The following ARHGEF15 variants were observed in gnomAD, a reference collection of about 807,000 sequenced individuals.
ARHGEF15 encodes the protein Rho guanine nucleotide exchange factor (GEF) 15.
Under a neutral mutation model 79.7 loss-of-function variants are expected in ARHGEF15, and 58 were observed. The ratio of observed to expected loss-of-function variants is 0.73; its 90% confidence interval spans 0.59 to 0.91. ARHGEF15 has a LOEUF of 0.91. Ranked by LOEUF, ARHGEF15 falls within the 40% of genes least tolerant of loss-of-function variation. The pLI is 0.00. For missense variants in ARHGEF15, 1,012 were observed against 1,108.1 expected (o/e 0.91, Z 1.23); for synonymous variants, 442 against 456.0 (o/e 0.97, Z 0.39).
chr17:8,318,308 G>A lies in ARHGEF15; in HGVS notation c.1705-79G>A. 7.3e-7 allele frequency: 1 copy of A among 1,373,070 alleles called. No individual in the cohort carries two copies. Among genetic ancestry groups the A allele is most frequent in the Non-Finnish European group, 1.0e-6 (1 of 991,584 alleles). 85.1% of individuals were successfully genotyped at this position (1,373,070 alleles called of 1,614,324 possible). A position where few individuals can be genotyped will look rare whatever the true frequency, so the allele number is the denominator to read the frequency against. On this transcript the variant is annotated intron_variant, in intron 9 of 15. Transcript: ENST00000361926. The surrounding 1 kb of genome is among the most constrained non-coding windows in gnomAD (Gnocchi z 5.0). ...TTGTTGAAACTGGCTGAAACAGACA[G>A]GGTCCTCTGAGCTGTGGCCCCTCTG...
intron 9 of ARHGEF15, 85 bp downstream of exon 9, chr17:8,316,233 C>T: frequency 2.0e-6 from 3 of 1,511,106 alleles, no homozygotes; most frequent in South Asian, 1.2e-5. Context: ...CCAGCTATCA[C>T]CATGCACTAC....
rs570697175 is a variant in ARHGEF15, at chr17:8,316,235, A to G, written c.1704+87A>G. 463 of 1,509,736 alleles carry G rather than the reference A, an allele frequency of 3.1e-4. 4 individuals are homozygous for G. In the South Asian group the frequency reaches 5.4e-3, roughly 17 times the overall value. 93.5% of individuals were successfully genotyped at this position (1,509,736 alleles called of 1,614,324 possible). On this transcript the variant is annotated intron_variant, in intron 9 of 15. Transcript: ENST00000361926. The stretch of plus-strand genomic sequence containing the variant: ...GCTTCTTGGCCCTCCAGCTATCACC[A>G]TGCACTACTCCACCTTAAACATAAA...
chr17:8,314,310 T>TCC (rs933676842), intron 4 of ARHGEF15, among the ~76,000 whole-genome samples: 53 of 152,318 alleles, frequency 3.5e-4, no homozygotes, highest in African/African-American at 1.3e-3. Flanking sequence ...GTTATCTGTG[T>TCC]CCATTCATTT....
At chr17:8,312,818 AC>A (rs1014918441) in intron 2 of ARHGEF15, 103 bp from the exon 3 acceptor site, 32 of 1,555,152 alleles carry the variant, frequency 2.1e-5, no homozygotes, top group Non-Finnish European at 2.6e-5. Flanking sequence ...AGATGCCTGG[AC>A]CTTGATATTG....
At chr17:8,314,742 C>CAAAAA (rs77491661) in intron 4 of ARHGEF15, 164 bp from the exon 5 acceptor site, 25 of 300,082 alleles carry the variant, frequency 8.3e-5, no homozygotes, top group East Asian at 1.6e-4. Context: ...CTTTCCCCTT[C>CAAAAA]AAAAAAAAAA....
In ARHGEF15 at chr17:8,313,430, G is replaced by A. The variant is rs879117782; in HGVS notation, c.935-71G>A. 3 of 1,567,300 alleles carry A rather than the reference G, an allele frequency of 1.9e-6. No individual in the cohort carries two copies. In the Admixed American group the frequency reaches 5.4e-5, roughly 28 times the overall value. ...TTTTTATAGTAACCATCCCTGCTGG[G>A]GCTGGAGTCGGGAGTCCTGGCTGGG... On this transcript the variant is annotated intron_variant, in intron 3 of 15. Transcript: ENST00000361926.
chr17:8,321,315 A>T lies in ARHGEF15; in HGVS notation c.*322A>T, dbSNP rs144240841. The T allele has an allele frequency of 1.2e-4, 27 of 229,778 alleles. No homozygotes were observed. Among genetic ancestry groups the T allele is most frequent in the African/African-American group, 5.6e-4 (25 of 44,498 alleles). The allele number at this position is 229,778 out of a possible 1,614,324, so 14.2% of individuals were successfully genotyped here. On this transcript the variant is annotated 3_prime_UTR_variant, in exon 16 of 16. Coordinates refer to ENST00000361926, the MANE Select transcript of ARHGEF15 (RefSeq NM_173728.4). The stretch of plus-strand genomic sequence containing the variant: ...GGGCCAAGGAAGACAAATCTAGGTC[A>T]TGGCAGTTGAAAAAGGGCCTCATTG...
intron 9 of ARHGEF15, among the ~76,000 whole-genome samples, chr17:8,317,107 G>A (rs1392022386): frequency 6.6e-6 from 1 of 151,988 alleles, no homozygotes; most frequent in African/African-American, 2.4e-5. Flanking sequence ...CTATAGCAAA[G>A]CAGAGAGTCC....
chr17:8,316,807 G>A (rs1003180551), intron 9 of ARHGEF15, among the ~76,000 whole-genome samples: 1 of 152,068 alleles, frequency 6.6e-6, no homozygotes, highest in Non-Finnish European at 1.5e-5. Context: ...CTCCTTCTTC[G>A]AGACGGAGTC....
In ARHGEF15 at chr17:8,314,909, A is replaced by G; in HGVS notation, c.993A>G (p.Glu331=). 2.5e-6 allele frequency: 4 copies of G among 1,613,900 alleles called. No homozygotes were observed. The highest frequency in any genetic ancestry group is 3.4e-6 in the Non-Finnish European group (4 of 1,179,934). The change falls in exon 5 of 16, where the codon GAA becomes GAG. Residue 331 remains glutamate, a synonymous_variant. Coordinates refer to ENST00000361926, the MANE Select transcript of ARHGEF15 (RefSeq NM_173728.4). ...CCTTCCCTTTCTTTCTCCACAGGGAAGAGGAGGGGCTAGAGGTGCTGAAGG... is the reference window on the plus strand; with the variant it reads ...CCTTCCCTTTCTTTCTCCACAGGGAGGAGGAGGGGCTAGAGGTGCTGAAGG... The part of the protein sequence containing the change: ...NTPPATVEGR[E]EEGLEVLKEQ...
In ARHGEF15 at chr17:8,319,346, A is replaced by G; in HGVS notation, c.2221A>G (p.Thr741Ala). ...GCAGCGCTGGCTGGGAGCCTTCCCAACCCCAGGCCCCCTTCCCTGCTCCCC... is the reference window on the plus strand; with the variant it reads ...GCAGCGCTGGCTGGGAGCCTTCCCAGCCCCAGGCCCCCTTCCCTGCTCCCC... Reference protein sequence around the residue: ...DMQRWLGAFPTPGPLPCSPDT... With the variant: ...DMQRWLGAFPAPGPLPCSPDT... The change falls in exon 14 of 16, where the codon ACC (threonine) becomes GCC (alanine). Residue 741 changes from threonine (T) to alanine (A), a missense_variant. By Grantham distance (58) the Thr-to-Ala change is moderately conservative. Around this residue, in one of 3 missense-constraint regions of ARHGEF15, gnomAD observed 132 missense variants for 124.2 expected, o/e 1.06. Transcript: ENST00000361926. 1 of 1,613,852 alleles carries G rather than the reference A, an allele frequency of 6.2e-7. No individual in the cohort carries two copies. The highest frequency in any genetic ancestry group is 1.7e-5 in the Admixed American group (1 of 59,972).
At position 8,313,179 on chromosome 17, in the gene ARHGEF15, A is replaced by G; in HGVS notation, c.859A>G (p.Arg287Gly). 1 of 1,611,072 alleles carries G rather than the reference A, an allele frequency of 6.2e-7. No homozygotes were observed. Among genetic ancestry groups the G allele is most frequent in the Non-Finnish European group, 8.5e-7 (1 of 1,179,982 alleles). ...CAAGCCTCCCAAACCAACTCGTGTC[A>G]GGCAGGATGCCACCATTTTCGGGGA... ...LLKPPKPTRVRQDATIFGDPP... is the reference protein window; with the variant it reads ...LLKPPKPTRVGQDATIFGDPP... Residue 287 changes from arginine to glycine, a missense_variant, in exon 3 of 16, where the codon AGG (arginine) becomes GGG (glycine). Physicochemically the swap from Arg to Gly is moderately radical, Grantham distance 125 (BLOSUM62 -2). Coordinates refer to ENST00000361926, the MANE Select transcript of ARHGEF15 (RefSeq NM_173728.4).
At position 8,312,515 on chromosome 17, in the gene ARHGEF15, G is replaced by T. The variant is rs116075794; in HGVS notation, c.476G>T (p.Gly159Val). Residue 159 changes from glycine (G) to valine (V), a missense_variant, in exon 2 of 16, where the codon GGG (glycine) becomes GTG (valine). Gly to Val is a moderately radical substitution (Grantham distance 109). Transcript: ENST00000361926. ...TVRRLAGRFE[G>V]GAEGRAQDAD... Reference sequence around the variant, plus strand: ...CGGAGGCTGGCTGGCAGGTTTGAAGGGGGTGCTGAAGGCCGGGCTCAGGAT... The same window carrying T: ...CGGAGGCTGGCTGGCAGGTTTGAAGTGGGTGCTGAAGGCCGGGCTCAGGAT... 2 of 1,611,772 alleles carry T rather than the reference G, an allele frequency of 1.2e-6. No individual in the cohort carries two copies. Among genetic ancestry groups the T allele is most frequent in the East Asian group, 2.2e-5 (1 of 44,860 alleles).
chr17:8,311,144 C>T (rs1904584013), intron 1 of ARHGEF15, among the ~76,000 whole-genome samples: 1 of 152,080 alleles, frequency 6.6e-6, no homozygotes, highest in African/African-American at 2.4e-5. Context: ...CTCCTGCTGA[C>T]CCCTGAAGGG....
intron 1 of ARHGEF15, among the ~76,000 whole-genome samples, chr17:8,311,284 A>G (rs1378903940): frequency 6.6e-6 from 1 of 151,818 alleles, no homozygotes; most frequent in Non-Finnish European, 1.5e-5. Flanking sequence ...CCTTCGGTTC[A>G]TTCTCCCAGC....
rs781290250 is a variant in ARHGEF15 at position 8,318,842 on chromosome 17, G to T, written c.1965G>T (p.Ser655=). Residue 655 remains serine, a synonymous_variant, in exon 12 of 16, where the codon TCG becomes TCT. Coordinates refer to ENST00000361926, the MANE Select transcript of ARHGEF15 (RefSeq NM_173728.4). The surrounding 1 kb of genome is among the most constrained non-coding windows in gnomAD (Gnocchi z 5.0). ...GCRRGGVLFA[S]RPRFTPLCLL... Reference sequence around the variant, plus strand: ...GGAGGGGGGGCGTGCTCTTTGCCTCGCGCCCCCGCTTCACCCCTCTTTGCC... The same window carrying T: ...GGAGGGGGGGCGTGCTCTTTGCCTCTCGCCCCCGCTTCACCCCTCTTTGCC... The T allele has an allele frequency of 6.2e-7, 1 of 1,613,284 alleles. No homozygotes were observed. The highest frequency in any genetic ancestry group is 1.3e-5 in the African/African-American group (1 of 74,884).
In ARHGEF15 at chr17:8,318,586, G is replaced by T. The variant is rs1905174738; in HGVS notation, c.1796G>T (p.Ser599Ile). The T allele has an allele frequency of 6.2e-7, 1 of 1,613,820 alleles. No homozygotes were observed. The highest frequency in any genetic ancestry group is 8.5e-7 in the Non-Finnish European group (1 of 1,179,774). Residue 599 changes from serine (S) to isoleucine (I), a missense_variant, in exon 11 of 16, where the codon AGC (serine) becomes ATC (isoleucine). Ser to Ile is a moderately radical substitution (Grantham distance 142, BLOSUM62 -2). This residue lies in a region of ARHGEF15 where 818 missense variants were observed against 882.5 expected (regional missense o/e 0.93). Coordinates refer to ENST00000361926, the MANE Select transcript of ARHGEF15 (RefSeq NM_173728.4). This position sits in a 1 kb window ranked among gnomAD's most constrained non-coding sequence, Gnocchi z 5.0. The part of the protein sequence containing the change: ...GAVSKIIERC[S>I]AEVGRMKQTE... ...CTTACCTAGATCATCGAGCGTTGCAGCGCTGAGGTGGGGCGCATGAAGCAG... is the reference window on the plus strand; with the variant it reads ...CTTACCTAGATCATCGAGCGTTGCATCGCTGAGGTGGGGCGCATGAAGCAG...
chr17:8,321,040 G>A lies in ARHGEF15; in HGVS notation c.*47G>A, dbSNP rs1391234329. 6.2e-7 allele frequency: 1 copy of A among 1,609,902 alleles called. No individual in the cohort carries two copies. Among genetic ancestry groups the A allele is most frequent in the Non-Finnish European group, 8.5e-7 (1 of 1,177,200 alleles). ...ATGTTGGGAGACACCTACCAGTGTG[G>A]CACGGAGAGAACAAAGCCCATTCAT... On this transcript the variant is annotated 3_prime_UTR_variant, in exon 16 of 16. Transcript: ENST00000361926.
chr17:8,316,232 ACC>A (rs772082966), intron 9 of ARHGEF15, 84 bp downstream of exon 9: 27 of 1,509,872 alleles, frequency 1.8e-5, no homozygotes, highest in Non-Finnish European at 2.3e-5. Flanking sequence ...TCCAGCTATC[ACC>A]ATGCACTACT....
Sources: gnomAD v4.1 joint callset for allele counts (sites outside exome capture counted in the v4.1 genomes callset) on GRCh38, gnomAD v4.1.1 for gene constraint, gnomAD v4.1.1 regional missense constraint, Gnocchi (gnomAD v3.1) non-coding constraint, MANE v1.5 for transcripts, NCBI Gene and HGNC (gene_info 2026-07-23, HGNC 2026-07-21) for gene names.